RERE: variants seen among roughly 807,000 people sequenced by gnomAD.
RERE encodes the protein arginine-glutamic acid dipeptide repeats, also known as arginine-glutamic acid dipeptide repeats protein.
In RERE, 40 loss-of-function variants were observed where a neutral mutation model predicts 146.1. That is an observed-to-expected ratio of 0.27 (90% CI 0.21 to 0.36). The LOEUF is 0.36. Among genes scored for constraint, RERE ranks in the 10% least tolerant of loss-of-function variants. The pLI is 1.00. For missense variants in RERE, 1,933 were observed against 2,138.7 expected (o/e 0.90, Z 1.90); for synonymous variants, 1,003 against 866.0 (o/e 1.16, Z -2.78).
chr1:8,724,875 T>TTAAAAAAAA (rs1639928997), intron 1 of RERE, among the ~76,000 whole-genome samples: 1 of 120,762 alleles, frequency 8.3e-6, no homozygotes, highest in African/African-American at 3.0e-5. Flanking sequence ...AGATACTTTG[T>TTAAAAAAAA]AAAAAAAAAA....
chr1:8,391,472 A>G (rs1642881389), intron 12 of RERE, among the ~76,000 whole-genome samples: 5 of 151,924 alleles, frequency 3.3e-5, no homozygotes. Flanking sequence ...CTCCAGCTAC[A>G]CTTACTTTTT....
At position 8,358,178 on chromosome 1, in the gene RERE, CCACGCTGGGG is replaced by C. The variant is rs1423582291; in HGVS notation, c.4339+8_4339+17del. The C allele has an allele frequency of 1.2e-5, 19 of 1,572,260 alleles. No individual in the cohort carries two copies. The highest frequency in any genetic ancestry group is 1.7e-5 in the Admixed American group (1 of 58,486). On this transcript the variant is annotated splice_region_variant and intron_variant, in intron 20 of 22. Coordinates refer to ENST00000400908, the MANE Select transcript of RERE (RefSeq NM_001042681.2). ...CCTCCCCGTGCCTCTGTCCCACCTG[CCACGCTGGGG>C]CACGCACCTTGGTGGAGGGGGTCCT... is the stretch of plus-strand genomic sequence containing the variant.
At chr1:8,664,932 TTACAA>T (rs1244415492) in intron 1 of RERE, among the ~76,000 whole-genome samples, 2 of 152,172 alleles carry the variant, frequency 1.3e-5, no homozygotes, top group Non-Finnish European at 2.9e-5. Context: ...AATCCCCACT[TTACAA>T]TACGTCAGTG....
intron 4 of RERE, among the ~76,000 whole-genome samples, chr1:8,610,270 A>G (rs1646776417): frequency 6.6e-6 from 1 of 152,120 alleles, no homozygotes. Flanking sequence ...AACTTTCAAG[A>G]GACTTTATGG....
At chr1:8,504,890 A>G (rs1343713332) in intron 8 of RERE, among the ~76,000 whole-genome samples, 1 of 152,138 alleles carries the variant, frequency 6.6e-6, no homozygotes, top group African/African-American at 2.4e-5. Context: ...TGCTAATTAC[A>G]ATTAAAAAAG....
intron 6 of RERE, among the ~76,000 whole-genome samples, chr1:8,550,114 T>G (rs1344947273): frequency 2.0e-5 from 3 of 152,180 alleles, no homozygotes; most frequent in African/African-American, 7.2e-5. Flanking sequence ...GAAGTTCACA[T>G]TGTGGGAGGT....
chr1:8,561,522 A>T (rs1646078300), intron 4 of RERE, among the ~76,000 whole-genome samples: 1 of 152,164 alleles, frequency 6.6e-6, no homozygotes, highest in Admixed American at 6.5e-5. Context: ...ATGAAAAGTG[A>T]AGGGGTGGAA....
In RERE at chr1:8,646,366, T is replaced by TA. The variant is rs1354161628; in HGVS notation, c.325+9606dup. 5.3e-5 allele frequency among the ~76,000 whole-genome samples: 8 copies of TA among 151,104 alleles called. No individual in the cohort carries two copies. In the East Asian group the frequency reaches 5.8e-4, roughly 11 times the overall value. On this transcript the variant is annotated intron_variant, in intron 2 of 22. Transcript: ENST00000400908. Reference sequence around the variant, plus strand: ...AGACAACAAAACAAGATCCCTTCTCTAAAAAAAAATTAGAAACTAGCTGGG... The same window carrying TA: ...AGACAACAAAACAAGATCCCTTCTCTAAAAAAAAAATTAGAAACTAGCTGGG...
chr1:8,608,218 G>A (rs1258990229), intron 4 of RERE, among the ~76,000 whole-genome samples: 1 of 152,072 alleles, frequency 6.6e-6, no homozygotes, highest in East Asian at 1.9e-4. Context: ...CAACTAGTAC[G>A]GAACAAGGGC....
At chr1:8,514,923 A>T (rs1278477184) in intron 7 of RERE, among the ~76,000 whole-genome samples, 2 of 152,222 alleles carry the variant, frequency 1.3e-5, no homozygotes, top group Non-Finnish European at 2.9e-5. Context: ...GAATAACAAC[A>T]GTAGCTAACA....
intron 1 of RERE, among the ~76,000 whole-genome samples, chr1:8,794,624 A>T (rs952288187): frequency 6.6e-6 from 1 of 151,238 alleles, no homozygotes; most frequent in Non-Finnish European, 1.5e-5. Context: ...TGGCCCAGCA[A>T]GATGGCTCAT....
At chr1:8,465,788 T>C (rs1207698250) in intron 11 of RERE, 137 bp downstream of exon 11, 1 of 730,536 alleles carries the variant, frequency 1.4e-6, no homozygotes, top group Admixed American at 2.0e-5. Flanking sequence ...GGCCCCATCC[T>C]CCTGCCTGGC....
At chr1:8,497,828 C>CA (rs960011282) in intron 8 of RERE, among the ~76,000 whole-genome samples, 4 of 151,738 alleles carry the variant, frequency 2.6e-5, no homozygotes, top group Non-Finnish European at 1.5e-5. Context: ...ATAAAATAAA[C>CA]AAAAAAACAA....
At chr1:8,399,044 C>G (rs1643156881) in intron 12 of RERE, among the ~76,000 whole-genome samples, 3 of 151,964 alleles carry the variant, frequency 2.0e-5, no homozygotes, top group African/African-American at 7.3e-5. Context: ...TCAGCTAAAA[C>G]TACCTGTTCT....
rs138369723 is a variant in RERE at position 8,783,207 on chromosome 1, T to C, written c.-145+33953A>G. ...AAAATTAGCTGAGCATGGTGGCACA[T>C]GCCTATATTCCCATCTACTTGGGAG... On this transcript the variant is annotated intron_variant, in intron 1 of 22. Transcript: ENST00000400908. 5.1e-3 allele frequency among the ~76,000 whole-genome samples: 783 copies of C among 152,160 alleles called. 7 individuals carry two copies. Among genetic ancestry groups the C allele is most frequent in the South Asian group, 0.029 (138 of 4,812 alleles).
At chr1:8,491,647 C>G (rs1049060007) in intron 10 of RERE, among the ~76,000 whole-genome samples, 7 of 152,026 alleles carry the variant, frequency 4.6e-5, no homozygotes, top group African/African-American at 1.7e-4. Flanking sequence ...AAAGAACTGA[C>G]AGCTCAAAAA....
At chr1:8,554,112 C>T (rs371134781) in intron 6 of RERE, among the ~76,000 whole-genome samples, 3 of 152,106 alleles carry the variant, frequency 2.0e-5, no homozygotes, top group East Asian at 1.9e-4. Flanking sequence ...ACCCAGGAGG[C>T]GGAGGTTGCA....
intron 1 of RERE, among the ~76,000 whole-genome samples, chr1:8,688,849 G>A (rs1205269736): frequency 1.3e-5 from 2 of 152,170 alleles, no homozygotes; most frequent in African/African-American, 2.4e-5. Flanking sequence ...GTGTAACATC[G>A]GCTAAGCTAA....
chr1:8,601,779 A>G (rs1646634178), intron 4 of RERE, among the ~76,000 whole-genome samples: 1 of 146,434 alleles, frequency 6.8e-6, no homozygotes, highest in Admixed American at 6.8e-5. Flanking sequence ...ACACACACAA[A>G]CACACACACA....
Sources: allele counts gnomAD v4.1 joint callset (sites outside exome capture counted in the v4.1 genomes callset), GRCh38; gene constraint gnomAD v4.1.1; transcripts MANE v1.5; gene names NCBI Gene and HGNC (gene_info 2026-07-23, HGNC 2026-07-21).